Variants in CREB5 observed in about 807,000 individuals in gnomAD.
CREB5 encodes cAMP responsive element binding protein 5.
Under a neutral mutation model 57.1 loss-of-function variants are expected in CREB5, and 19 were observed. That is an observed-to-expected ratio of 0.33 (90% CI 0.23 to 0.49). The LOEUF is 0.49. CREB5 is among the 20% of genes least tolerant of loss of function. The pLI, the probability that CREB5 is intolerant of heterozygous loss-of-function variation, is 0.99. For synonymous variants in CREB5, 238 were observed against 238.3 expected (o/e 1.00, Z 0.01); for missense variants, 579 against 671.6 (o/e 0.86, Z 1.52).
chr7:28,718,219 T>G (rs1340711433), intron 5 of CREB5, among the ~76,000 whole-genome samples: 3 of 152,236 alleles, frequency 2.0e-5, no homozygotes, highest in Non-Finnish European at 4.4e-5. Flanking sequence ...GGTTTGTTTT[T>G]TTCCATTCAC....
Position 28,357,944 on chromosome 7 carries a change from T to G in CREB5, c.-25+58503T>G, listed in dbSNP as rs73293274. Among the ~76,000 whole-genome samples, 840 of 152,266 alleles carry G rather than the reference T, an allele frequency of 5.5e-3. 8 individuals are homozygous for G. The highest frequency in any genetic ancestry group is 0.019 in the African/African-American group (800 of 41,544). ...AGGTGGGTGGGGGCAGAATTTAAAC[T>G]CATATCATTGGATTTAGTATGTGCT... On this transcript the variant is annotated intron_variant, in intron 1 of 9. Coordinates refer to the CREB5 transcript ENST00000396299.
At chr7:28,560,809 C>CGCGT (rs1554344230) in intron 4 of CREB5, among the ~76,000 whole-genome samples, 506 of 19,404 alleles carry the variant, frequency 0.026, 70 homozygotes, top group African/African-American at 0.061. Context: ...TGTGTGTGCG[C>CGCGT]GTGTGTGTGT....
At position 28,657,614 on chromosome 7, in the gene CREB5, A is replaced by C. The variant is rs149080847; in HGVS notation, c.465-61139A>C. On this transcript the variant is annotated intron_variant, in intron 5 of 10. Coordinates refer to ENST00000357727, the MANE Select transcript of CREB5 (RefSeq NM_182898.4). Reference sequence around the variant, plus strand: ...TGCCTGCAGACCTGGCTACTTGTGCAGCGGAGGCAGGAGAATCACTTGAAC... The same window carrying C: ...TGCCTGCAGACCTGGCTACTTGTGCCGCGGAGGCAGGAGAATCACTTGAAC... Among the ~76,000 whole-genome samples, 1,108 of 149,190 alleles carry C rather than the reference A, an allele frequency of 7.4e-3. 16 individuals are homozygous for C. The highest frequency in any genetic ancestry group is 0.026 in the African/African-American group (1,074 of 40,714).
chr7:28,818,766 GCAA>G (rs1562663442), intron 10 of CREB5: 2 of 471,716 alleles, frequency 4.2e-6, no homozygotes. Context: ...TTTAGATTGA[GCAA>G]CACAGATTCT....
chr7:28,304,697 A>G (rs1375362647), intron 1 of CREB5, among the ~76,000 whole-genome samples: 1 of 152,204 alleles, frequency 6.6e-6, no homozygotes, highest in Non-Finnish European at 1.5e-5. Context: ...TAGTAGATAA[A>G]TTATAGTACA....
chr7:28,587,896 C>T (rs1051424552), intron 5 of CREB5, among the ~76,000 whole-genome samples: 2 of 152,116 alleles, frequency 1.3e-5, no homozygotes, highest in African/African-American at 4.8e-5. Context: ...TTGCCCTTTC[C>T]CCATCCCATT....
At position 28,356,516 on chromosome 7, in the gene CREB5, G is replaced by A. The variant is rs73293269; in HGVS notation, c.-25+57075G>A. Reference sequence around the variant, plus strand: ...GGCTGGCCCACAGATATAAACCCACGGGCAGACCGATCAATAGGCTTTTGG... The same window carrying A: ...GGCTGGCCCACAGATATAAACCCACAGGCAGACCGATCAATAGGCTTTTGG... On this transcript the variant is annotated intron_variant, in intron 1 of 9. Transcript: ENST00000396299. Among the ~76,000 whole-genome samples the A allele has an allele frequency of 5.9e-5, 9 of 152,134 alleles. No homozygotes were observed. The East Asian group carries it at 7.7e-4, about 13-fold the overall frequency.
intron 5 of CREB5, among the ~76,000 whole-genome samples, chr7:28,607,941 C>T (rs753493276): frequency 2.6e-5 from 4 of 152,112 alleles, no homozygotes; most frequent in Middle Eastern, 3.4e-3. Flanking sequence ...CTTTGCCCTT[C>T]GAAACAAACA....
At chr7:28,685,152 T>C (rs1221738284) in intron 5 of CREB5, among the ~76,000 whole-genome samples, 1 of 152,100 alleles carries the variant, frequency 6.6e-6, no homozygotes, top group Non-Finnish European at 1.5e-5. Flanking sequence ...CTCCAGCGAG[T>C]TGAGTTGTGG....
intron 1 of CREB5, among the ~76,000 whole-genome samples, chr7:28,456,769 A>T (rs1378744037): frequency 6.6e-6 from 1 of 152,234 alleles, no homozygotes; most frequent in Non-Finnish European, 1.5e-5. Flanking sequence ...GCATATAGAC[A>T]GACCTCACTT....
Position 28,305,748 on chromosome 7 carries a change from C to T in CREB5, c.-25+6307C>T, listed in dbSNP as rs529691082. On this transcript the variant is annotated intron_variant, in intron 1 of 9. Transcript: ENST00000396299. The stretch of plus-strand genomic sequence containing the variant: ...TTTTTTTTTTTAAACTTCATTATTT[C>T]ATTTTAATTGATGATTTCATTCATT... 7.7e-5 allele frequency among the ~76,000 whole-genome samples: 11 copies of T among 143,556 alleles called. No homozygotes were observed. In the South Asian group the frequency reaches 1.3e-3, roughly 17 times the overall value. 94.2% of individuals were successfully genotyped at this position (143,556 alleles called of 152,430 possible).
chr7:28,599,739 G>GTTTT lies in CREB5; in HGVS notation c.464+29203_464+29206dup, dbSNP rs1466433709. Among the ~76,000 whole-genome samples the GTTTT allele has an allele frequency of 0.013, 35 of 2,752 alleles. No individual in the cohort carries two copies. The Non-Finnish European group carries it at 0.26, about 21-fold the overall frequency. The allele number at this position is 2,752 out of a possible 152,430, so 1.8% of individuals were successfully genotyped here. On this transcript the variant is annotated intron_variant, in intron 5 of 10. Coordinates refer to ENST00000357727, the MANE Select transcript of CREB5 (RefSeq NM_182898.4). ...AGACCCAGGTGTTTTGTTTTGTTTT[G>GTTTT]TTTTGTTTTGTTTTGTTTTTTTATT...
intron 7 of CREB5, among the ~76,000 whole-genome samples, chr7:28,790,428 A>AGAG (rs1807597257): frequency 1.7e-5 from 2 of 115,696 alleles, no homozygotes; most frequent in Admixed American, 9.0e-5. Context: ...GAAAGAAAGA[A>AGAG]AGAGAGAGAG....
At chr7:28,759,242 C>T (rs752139914) in intron 7 of CREB5, among the ~76,000 whole-genome samples, 3 of 152,128 alleles carry the variant, frequency 2.0e-5, no homozygotes, top group Non-Finnish European at 4.4e-5. Flanking sequence ...GGAAACTCAG[C>T]TGAGTTTGAG....
At chr7:28,742,950 T>C (rs1300996264) in intron 7 of CREB5, among the ~76,000 whole-genome samples, 2 of 152,090 alleles carry the variant, frequency 1.3e-5, no homozygotes, top group Non-Finnish European at 2.9e-5. Flanking sequence ...GTCCAGCTAA[T>C]TTTTTGTATT....
chr7:28,797,355 C>T (rs1808108387), intron 7 of CREB5, among the ~76,000 whole-genome samples: 1 of 152,176 alleles, frequency 6.6e-6, no homozygotes, highest in African/African-American at 2.4e-5. Context: ...ATTTCTAATA[C>T]AACTCCTTTG....
chr7:28,690,328 C>G (rs377593518), intron 5 of CREB5, among the ~76,000 whole-genome samples: 160 of 152,320 alleles, frequency 1.1e-3, no homozygotes, highest in African/African-American at 3.6e-3. Flanking sequence ...AGAACAGTGC[C>G]AGCTGTCCAT....
At chr7:28,377,506 A>G (rs1008479890) in intron 1 of CREB5, among the ~76,000 whole-genome samples, 3 of 152,088 alleles carry the variant, frequency 2.0e-5, no homozygotes, top group Admixed American at 6.6e-5. Flanking sequence ...ACTATAGAAT[A>G]TAAGTCTTTA....
chr7:28,729,026 C>T (rs75019910), intron 7 of CREB5, among the ~76,000 whole-genome samples: 1 of 152,186 alleles, frequency 6.6e-6, no homozygotes, highest in Non-Finnish European at 1.5e-5. Flanking sequence ...TTGTGTTGGA[C>T]TGGTCATGCT....
Sources: gnomAD v4.1 joint callset for allele counts (sites outside exome capture counted in the v4.1 genomes callset) on GRCh38, gnomAD v4.1.1 for gene constraint, MANE v1.5 for transcripts, NCBI Gene and HGNC (gene_info 2026-07-23, HGNC 2026-07-21) for gene names.